GRXCR2: variants seen among roughly 807,000 people sequenced by gnomAD.
The protein encoded by GRXCR2 is glutaredoxin domain-containing cysteine-rich protein 2.
Under a neutral mutation model 24.8 loss-of-function variants are expected in GRXCR2, and 23 were observed. The ratio of observed to expected loss-of-function variants is 0.93; its 90% CI spans 0.67 to 1.32. GRXCR2 has a LOEUF of 1.32. Ranked by LOEUF, GRXCR2 falls within the 40% of genes most tolerant of loss-of-function variation. GRXCR2 has a pLI of 0.00. For synonymous variants in GRXCR2, 130 were observed against 116.1 expected (o/e 1.12, Z -0.77); for missense variants, 315 against 303.4 (o/e 1.04, Z -0.28).
chr5:145,870,546 G>T (rs1756511407), intron 1 of GRXCR2, among the ~76,000 whole-genome samples: 1 of 152,080 alleles, frequency 6.6e-6, no homozygotes. Context: ...GAACAATGTT[G>T]TACATATATC....
At chr5:145,876,216 TAC>T (rs1216503434), upstream of GRXCR2, among the ~76,000 whole-genome samples, 662 of 133,780 alleles carry the variant, frequency 4.9e-3, 5 homozygotes, top group African/African-American at 0.011. Flanking sequence ...TATATATATA[TAC>T]ACACACACAC....
At chr5:145,860,303 G>C (rs1397535683) in intron 2 of GRXCR2, among the ~76,000 whole-genome samples, 1 of 152,152 alleles carries the variant, frequency 6.6e-6, no homozygotes, top group African/African-American at 2.4e-5. Flanking sequence ...GCTGTTCTAA[G>C]TGCTTCCTAT....
intron 2 of GRXCR2, among the ~76,000 whole-genome samples, chr5:145,891,072 A>C (rs442032): frequency 0.074 from 11,299 of 152,246 alleles, 1,309 homozygotes; most frequent in African/African-American, 0.25. Context: ...CTTAATTACC[A>C]TAAATATATA....
At chr5:145,864,770 C>A (rs994766583) in intron 2 of GRXCR2, among the ~76,000 whole-genome samples, 1 of 152,104 alleles carries the variant, frequency 6.6e-6, no homozygotes, top group African/African-American at 2.4e-5. Context: ...ATTACTCAGT[C>A]TCAAGTACTA....
intron 1 of GRXCR2, among the ~76,000 whole-genome samples, chr5:145,867,414 GATC>G (rs1756456294): frequency 6.6e-6 from 1 of 151,980 alleles, no homozygotes; most frequent in African/African-American, 2.4e-5. Flanking sequence ...CAAAAAATAC[GATC>G]ATAATATATA....
intron 2 of GRXCR2, among the ~76,000 whole-genome samples, chr5:145,918,996 G>T (rs946029644): frequency 2.0e-5 from 3 of 152,160 alleles, no homozygotes. Flanking sequence ...GAGCTACTAA[G>T]TTTCCCGCAT....
upstream of GRXCR2, among the ~76,000 whole-genome samples, chr5:145,874,689 C>T (rs1756586386): frequency 6.6e-6 from 1 of 152,222 alleles, no homozygotes; most frequent in Admixed American, 6.5e-5. Context: ...CCACAGGTGT[C>T]AGTCTCTTGC....
At chr5:145,897,942 A>G (rs1189391202) in intron 2 of GRXCR2, among the ~76,000 whole-genome samples, 1 of 152,104 alleles carries the variant, frequency 6.6e-6, no homozygotes, top group Non-Finnish European at 1.5e-5. Flanking sequence ...CCCCAAAGGT[A>G]GAGGAAGAAA....
At chr5:145,918,244 C>A (rs1757267621) in intron 2 of GRXCR2, among the ~76,000 whole-genome samples, 1 of 152,174 alleles carries the variant, frequency 6.6e-6, no homozygotes, top group South Asian at 2.1e-4. Context: ...AAAACATTTT[C>A]ATGTTTATGA....
rs539414406 is a variant in GRXCR2 at position 145,909,930 on chromosome 5, G to A, written c.-70+25771C>T. ...ATTCCTCTCTCCTGCACATTTACAA[G>A]GCTAACAGGACAGTACGATCAGACA... On this transcript the variant is annotated intron_variant, in intron 2 of 3. Coordinates refer to the GRXCR2 transcript ENST00000639411. Among the ~76,000 whole-genome samples, 4 of 152,172 alleles carry A rather than the reference G, an allele frequency of 2.6e-5. No homozygotes were observed. The South Asian group carries it at 8.3e-4, about 32-fold the overall frequency.
chr5:145,927,338 C>G (rs1757413151), intron 2 of GRXCR2, among the ~76,000 whole-genome samples: 1 of 152,078 alleles, frequency 6.6e-6, no homozygotes, highest in Non-Finnish European at 1.5e-5. Flanking sequence ...CTGTTTTTGC[C>G]CATTCAGTAT....
At chr5:145,895,960 C>T (rs935248169) in intron 2 of GRXCR2, among the ~76,000 whole-genome samples, 1 of 152,092 alleles carries the variant, frequency 6.6e-6, no homozygotes, top group African/African-American at 2.4e-5. Flanking sequence ...CAGAACAGAG[C>T]CCTCAGAAAT....
At chr5:145,913,499 C>A (rs1486264832) in intron 2 of GRXCR2, among the ~76,000 whole-genome samples, 1 of 151,964 alleles carries the variant, frequency 6.6e-6, no homozygotes, top group Non-Finnish European at 1.5e-5. Flanking sequence ...TATTTTAATA[C>A]CCCAAATTAG....
At position 145,867,092 on chromosome 5, in the gene GRXCR2, A is replaced by T. The variant is rs188223231; in HGVS notation, c.337-364T>A. 6.2e-3 allele frequency among the ~76,000 whole-genome samples: 939 copies of T among 152,298 alleles called. 7 individuals carry two copies. The highest frequency in any genetic ancestry group is 0.022 in the African/African-American group (896 of 41,560). ...AGGGACACTTTTTCATTTTATATAA[A>T]TATCTCTCCAATTTTTTACCAGCAT... is the stretch of plus-strand genomic sequence containing the variant. On this transcript the variant is annotated intron_variant, in intron 1 of 2. Coordinates refer to ENST00000377976, the MANE Select transcript of GRXCR2 (RefSeq NM_001080516.2).
rs118043463 is a variant in GRXCR2, at chr5:145,912,535, G to A, written c.-70+23166C>T. On this transcript the variant is annotated intron_variant, in intron 2 of 3. Transcript: ENST00000639411. ...CAGGGGAAAGACCACACACAGATACGTAATAAGCAAATAAATAGTGTAAAC... is the reference window on the plus strand; with the variant it reads ...CAGGGGAAAGACCACACACAGATACATAATAAGCAAATAAATAGTGTAAAC... Among the ~76,000 whole-genome samples, 12 of 152,252 alleles carry A rather than the reference G, an allele frequency of 7.9e-5. No individual in the cohort carries two copies. The East Asian group carries it at 1.5e-3, about 20-fold the overall frequency.
At chr5:145,867,892 A>G in intron 1 of GRXCR2, among the ~76,000 whole-genome samples, 1 of 151,880 alleles carries the variant, frequency 6.6e-6, no homozygotes, top group East Asian at 1.9e-4. Context: ...TTGTCCTGAG[A>G]CTCCTGAGTG....
At chr5:145,904,585 TC>T (rs1757065806) in intron 2 of GRXCR2, among the ~76,000 whole-genome samples, 2 of 152,178 alleles carry the variant, frequency 1.3e-5, no homozygotes. Context: ...GAGAATCTCT[TC>T]CCCTGCTCCG....
intron 2 of GRXCR2, among the ~76,000 whole-genome samples, chr5:145,866,255 G>T (rs1250284797): frequency 6.6e-6 from 1 of 151,740 alleles, no homozygotes; most frequent in Non-Finnish European, 1.5e-5. Context: ...TATTTAATCA[G>T]ATCTAAAAAG....
intron 2 of GRXCR2, among the ~76,000 whole-genome samples, chr5:145,878,188 G>A (rs1756647297): frequency 6.6e-6 from 1 of 152,226 alleles, no homozygotes; most frequent in African/African-American, 2.4e-5. Context: ...GCTGGATGGA[G>A]AATGACTTTG....
Sources: allele counts gnomAD v4.1 joint callset (sites outside exome capture counted in the v4.1 genomes callset), GRCh38; gene constraint gnomAD v4.1.1; transcripts MANE v1.5; gene names NCBI Gene and HGNC (gene_info 2026-07-23, HGNC 2026-07-21).